Variants in CYRIB observed in about 807,000 individuals in gnomAD.
CYRIB encodes CYFIP-related Rac1 interactor B.
Under a neutral mutation model 44.2 loss-of-function variants are expected in CYRIB, and 8 were observed. The observed-to-expected ratio is 0.18, with a 90% CI of 0.11 to 0.33. The LOEUF (loss-of-function observed/expected upper bound fraction) is 0.33. CYRIB is among the 10% of genes least tolerant of loss of function. The pLI, the probability that CYRIB is intolerant of heterozygous loss-of-function variation, is 1.00. For synonymous variants in CYRIB, 131 were observed against 127.2 expected, an observed-to-expected ratio of 1.03 and a Z score of -0.20; for missense variants, 185 against 382.8, an observed-to-expected ratio of 0.48 and a Z score of 4.31.
chr8:129,964,083 T>C (rs1591303116), intron 2 of CYRIB, among the ~76,000 whole-genome samples: 1 of 152,182 alleles, frequency 6.6e-6, no homozygotes, highest in African/African-American at 2.4e-5. Flanking sequence ...TGTGGCTGAT[T>C]GCAGAAAACA....
chr8:129,941,888 T>G (rs1471859014), upstream of CYRIB, among the ~76,000 whole-genome samples: 1 of 152,226 alleles, frequency 6.6e-6, no homozygotes, highest in Non-Finnish European at 1.5e-5. Context: ...ATCATCAGCC[T>G]TTGATTGTGA....
At chr8:129,934,249 G>A (rs1159222724) in intron 1 of CYRIB, among the ~76,000 whole-genome samples, 4 of 152,214 alleles carry the variant, frequency 2.6e-5, no homozygotes, top group Non-Finnish European at 2.9e-5. Flanking sequence ...GAGGCCTCAC[G>A]AGTCTCCAGC....
rs190414659 is a variant in CYRIB, at chr8:129,984,288, T to C, written c.-295-13293A>G. Among the ~76,000 whole-genome samples, 606 of 152,274 alleles carry C rather than the reference T, an allele frequency of 4.0e-3. 4 individuals carry two copies. The highest frequency in any genetic ancestry group is 0.024 in the Middle Eastern group (7 of 294). The stretch of plus-strand genomic sequence containing the variant: ...CCTCTCCTTGCAGATGGCTGAGCAC[T>C]TTCCAGTTGCCCAGGACCTCCCCAT... On this transcript the variant is annotated intron_variant, in intron 1 of 14. Coordinates refer to the CYRIB transcript ENST00000401979.
chr8:129,994,824 A>C (rs547860852), intron 1 of CYRIB, among the ~76,000 whole-genome samples: 9 of 152,358 alleles, frequency 5.9e-5, no homozygotes, highest in African/African-American at 2.2e-4. Context: ...GATACTGTGC[A>C]GGGGGAAAAT....
At chr8:129,860,090 A>G (rs1194182767) in intron 5 of CYRIB, among the ~76,000 whole-genome samples, 1 of 152,182 alleles carries the variant, frequency 6.6e-6, no homozygotes, top group African/African-American at 2.4e-5. Context: ...TCTCCTTAGA[A>G]CTGCAAGATT....
chr8:129,987,867 C>T (rs2096521551), intron 1 of CYRIB, among the ~76,000 whole-genome samples: 1 of 152,176 alleles, frequency 6.6e-6, no homozygotes, highest in African/African-American at 2.4e-5. Flanking sequence ...CCATCGCGCC[C>T]GGCCCCACCG....
chr8:129,869,891 C>T lies in CYRIB; in HGVS notation c.195+1484G>A, dbSNP rs532157046. On this transcript the variant is annotated intron_variant, in intron 4 of 11. Coordinates refer to ENST00000519824, the Ensembl canonical transcript of CYRIB. ...CTCAATAGTAATGTTTTACCTCCCC[C>T]CCGCCCAAAAAAAGGAATGGTTCCC... Among the ~76,000 whole-genome samples the T allele has an allele frequency of 1.5e-4, 22 of 151,008 alleles. No individual in the cohort carries two copies. In the East Asian group the frequency reaches 3.1e-3, roughly 21 times the overall value.
At chr8:129,939,256 C>T (rs1447554679) in intron 1 of CYRIB, among the ~76,000 whole-genome samples, 1 of 149,610 alleles carries the variant, frequency 6.7e-6, no homozygotes, top group Non-Finnish European at 1.5e-5. Flanking sequence ...GGGGGGACAA[C>T]GCCGACACGG....
chr8:130,000,660 C>T (rs2096887603), intron 1 of CYRIB, among the ~76,000 whole-genome samples: 1 of 151,986 alleles, frequency 6.6e-6, no homozygotes, highest in African/African-American at 2.4e-5. Flanking sequence ...CCACTGCACT[C>T]CAGCATGGGT....
chr8:129,963,129 C>T (rs1233223217), intron 2 of CYRIB, among the ~76,000 whole-genome samples: 2 of 152,136 alleles, frequency 1.3e-5, no homozygotes, highest in Non-Finnish European at 2.9e-5. Flanking sequence ...CTGCTAGAAC[C>T]GCTGACAACC....
intron 2 of CYRIB, among the ~76,000 whole-genome samples, chr8:129,962,756 C>T (rs77304962): frequency 3.9e-5 from 6 of 152,330 alleles, no homozygotes; most frequent in South Asian, 4.1e-4. Flanking sequence ...ATCAGCAGCA[C>T]GCTCCTGTTT....
intron 1 of CYRIB, among the ~76,000 whole-genome samples, chr8:130,009,510 C>A (rs1388869324): frequency 6.6e-6 from 1 of 152,110 alleles, no homozygotes; most frequent in Admixed American, 6.6e-5. Context: ...TCAGGTGATC[C>A]ACCCGCCTCG....
chr8:129,928,652 CCTTT>C (rs1461976604), intron 1 of CYRIB, among the ~76,000 whole-genome samples: 2 of 150,168 alleles, frequency 1.3e-5, no homozygotes, highest in African/African-American at 2.4e-5. Flanking sequence ...AAAGTAAAAT[CCTTT>C]CTTTAAAAAA....
intron 1 of CYRIB, among the ~76,000 whole-genome samples, chr8:129,929,699 C>A (rs981288393): frequency 2.0e-5 from 3 of 151,970 alleles, no homozygotes; most frequent in African/African-American, 4.8e-5. Flanking sequence ...TACCACTTAT[C>A]CCCATTATAT....
intron 1 of CYRIB, among the ~76,000 whole-genome samples, chr8:129,996,654 C>G (rs1436939161): frequency 2.0e-5 from 3 of 152,168 alleles, no homozygotes. Flanking sequence ...AGCTGGGTCT[C>G]TGCACTCACT....
intron 1 of CYRIB, among the ~76,000 whole-genome samples, chr8:129,988,803 G>A (rs79302680): frequency 0.048 from 6,595 of 137,988 alleles, 451 homozygotes; most frequent in African/African-American, 0.16. Context: ...TGTTTTAATT[G>A]AAAAACGACC....
At chr8:129,855,545 T>A (rs1409658111) in intron 6 of CYRIB, 66 bp downstream of exon 8, 2 of 1,512,022 alleles carry the variant, frequency 1.3e-6, no homozygotes, top group Admixed American at 1.7e-5. Flanking sequence ...TTCCCGGCTC[T>A]TCCTCCTAGT....
At position 130,001,021 on chromosome 8, in the gene CYRIB, A is replaced by T. The variant is rs143841374; in HGVS notation, c.-296+15349T>A. Among the ~76,000 whole-genome samples the T allele has an allele frequency of 3.7e-3, 571 of 152,366 alleles. 8 individuals are homozygous for T. Among genetic ancestry groups the T allele is most frequent in the African/African-American group, 0.013 (533 of 41,588 alleles). ...TCTATATTTGGTGCCTCCCTTTAAA[A>T]AATGGCTGAGGAGCATTGAATCCGA... On this transcript the variant is annotated intron_variant, in intron 1 of 14. Transcript: ENST00000401979.
At chr8:129,966,357 A>G (rs1193126670) in intron 2 of CYRIB, among the ~76,000 whole-genome samples, 2 of 152,200 alleles carry the variant, frequency 1.3e-5, no homozygotes, top group Admixed American at 6.5e-5. Context: ...TGGCCCTCCA[A>G]AGAAGTTGTA....
Sources: allele counts gnomAD v4.1 joint callset (sites outside exome capture counted in the v4.1 genomes callset), GRCh38; gene constraint gnomAD v4.1.1; transcripts MANE v1.5; gene names NCBI Gene and HGNC (gene_info 2026-07-23, HGNC 2026-07-21).